Variants in KIAA1328 observed in about 807,000 individuals in gnomAD.
KIAA1328 encodes the protein protein hinderin.
Under a neutral mutation model 68.1 loss-of-function variants are expected in KIAA1328, and 52 were observed. The observed-to-expected ratio is 0.76, with a 90% CI of 0.61 to 0.96. KIAA1328 has a LOEUF of 0.96. Among genes scored for constraint, KIAA1328 ranks in the 40% least tolerant of loss-of-function variants. The probability of loss-of-function intolerance (pLI) is 0.00; values close to 1 mark genes in which losing one functional copy is unlikely to be tolerated. For synonymous variants in KIAA1328, 232 were observed against 239.4 expected (o/e 0.97, Z 0.28); for missense variants, 641 against 677.6 (o/e 0.95, Z 0.60).
intron 7 of KIAA1328, among the ~76,000 whole-genome samples, chr18:37,105,332 A>G (rs947300964): frequency 6.6e-6 from 1 of 152,022 alleles, no homozygotes; most frequent in Non-Finnish European, 1.5e-5. Context: ...GGAAGACCCT[A>G]TCTCTAAATT....
chr18:36,889,684 C>A (rs2048616597), intron 5 of KIAA1328, among the ~76,000 whole-genome samples: 1 of 152,116 alleles, frequency 6.6e-6, no homozygotes, highest in Non-Finnish European at 1.5e-5. Flanking sequence ...TTGATAGATT[C>A]TTTACATTAT....
chr18:37,100,835 G>A (rs552206564), intron 7 of KIAA1328, among the ~76,000 whole-genome samples: 5 of 152,128 alleles, frequency 3.3e-5, no homozygotes, highest in Admixed American at 1.3e-4. Context: ...CCAGAGGAAC[G>A]ATCAGGCAGC....
At chr18:36,876,401 G>A (rs1411236886) in intron 4 of KIAA1328, among the ~76,000 whole-genome samples, 1 of 152,056 alleles carries the variant, frequency 6.6e-6, no homozygotes, top group African/African-American at 2.4e-5. Flanking sequence ...ATTTAGTCTT[G>A]GGAAGGTGTA....
chr18:37,058,736 A>G (rs1257959530), intron 6 of KIAA1328, among the ~76,000 whole-genome samples: 2 of 152,030 alleles, frequency 1.3e-5, no homozygotes, highest in African/African-American at 4.8e-5. Flanking sequence ...AATAAAATAA[A>G]TAAATAAATA....
At chr18:36,946,869 A>G (rs922368876) in intron 5 of KIAA1328, among the ~76,000 whole-genome samples, 1 of 152,194 alleles carries the variant, frequency 6.6e-6, no homozygotes, top group Non-Finnish European at 1.5e-5. Flanking sequence ...CTCTGATGAA[A>G]TCTCTGAAGA....
intron 7 of KIAA1328, among the ~76,000 whole-genome samples, chr18:37,114,661 G>C (rs2151912890): frequency 6.6e-6 from 1 of 152,268 alleles, no homozygotes; most frequent in African/African-American, 2.4e-5. Context: ...ACTAAGATCA[G>C]AGCAGAACTG....
chr18:37,148,434 A>T (rs1376699799), intron 7 of KIAA1328, among the ~76,000 whole-genome samples: 1 of 152,176 alleles, frequency 6.6e-6, no homozygotes, highest in African/African-American at 2.4e-5. Flanking sequence ...GCCTCAGTGA[A>T]CATATGCATA....
downstream of KIAA1328, among the ~76,000 whole-genome samples, chr18:37,228,298 T>G (rs1406691511): frequency 6.6e-6 from 1 of 152,046 alleles, no homozygotes; most frequent in Non-Finnish European, 1.5e-5. Flanking sequence ...AGCGTCGGGG[T>G]TTGAAGGAAT....
chr18:37,130,282 A>G (rs1599372548), intron 7 of KIAA1328, among the ~76,000 whole-genome samples: 1 of 152,172 alleles, frequency 6.6e-6, no homozygotes, highest in East Asian at 1.9e-4. Flanking sequence ...TTAATCATAT[A>G]CATATATTAC....
At chr18:37,056,168 A>G (rs574017125) in intron 6 of KIAA1328, among the ~76,000 whole-genome samples, 2 of 152,320 alleles carry the variant, frequency 1.3e-5, no homozygotes, top group South Asian at 4.1e-4. Flanking sequence ...ATCCTGGCTT[A>G]TCATAAGAAT....
Position 37,224,353 on chromosome 18 carries a change from G to T in KIAA1328, c.*2126G>T. On this transcript the variant is annotated 3_prime_UTR_variant, in exon 10 of 10. Transcript: ENST00000280020. ...TTTTGGGGGTCACAGCCACAGAGTG[G>T]AGTTTTATTGCTTCTTTGCCTCTCC... The T allele has an allele frequency of 1.0e-6, 1 of 985,390 alleles. No individual in the cohort carries two copies. Among genetic ancestry groups the T allele is most frequent in the Non-Finnish European group, 1.2e-6 (1 of 829,950 alleles). 61.0% of individuals were successfully genotyped at this position (985,390 alleles called of 1,614,324 possible).
rs571745038 is a variant in KIAA1328 at position 36,962,637 on chromosome 18, A to G, written c.576+3202A>G. Among the ~76,000 whole-genome samples the G allele has an allele frequency of 9.2e-4, 140 of 152,354 alleles. 2 individuals are homozygous for G. Among genetic ancestry groups the G allele is most frequent in the African/African-American group, 3.3e-3 (138 of 41,584 alleles). ...ACAAACTGTCTCAGACAACAGTGCAATCAAATTAGAACTCAGGATTAAAAA... is the reference window on the plus strand; with the variant it reads ...ACAAACTGTCTCAGACAACAGTGCAGTCAAATTAGAACTCAGGATTAAAAA... On this transcript the variant is annotated intron_variant, in intron 6 of 9. Coordinates refer to ENST00000280020, the MANE Select transcript of KIAA1328 (RefSeq NM_020776.3).
intron 5 of KIAA1328, among the ~76,000 whole-genome samples, chr18:36,948,652 C>T (rs1037319704): frequency 8.9e-5 from 13 of 145,428 alleles, no homozygotes; most frequent in African/African-American, 2.6e-4. Context: ...TGGGTTCAAG[C>T]GATTCTCCTG....
chr18:36,882,422 T>C (rs2048354306), intron 4 of KIAA1328, among the ~76,000 whole-genome samples: 1 of 152,272 alleles, frequency 6.6e-6, no homozygotes, highest in East Asian at 1.9e-4. Context: ...AATCTTGAGG[T>C]TGCTTTATTG....
chr18:36,841,904 A>G (rs2046871281), intron 3 of KIAA1328, among the ~76,000 whole-genome samples: 1 of 151,556 alleles, frequency 6.6e-6, no homozygotes, highest in Admixed American at 6.6e-5. Context: ...TTTATTTCAT[A>G]TTATGTTTAT....
Position 37,059,314 on chromosome 18 carries a change from A to G in KIAA1328, c.577-7576A>G, listed in dbSNP as rs138712656. Reference sequence around the variant, plus strand: ...GCCATCTGACAAAGGGCCAATATCCAGAATCTACAAGGAACTTAAACAAAT... The same window carrying G: ...GCCATCTGACAAAGGGCCAATATCCGGAATCTACAAGGAACTTAAACAAAT... On this transcript the variant is annotated intron_variant, in intron 6 of 9. Transcript: ENST00000280020. Among the ~76,000 whole-genome samples, 3 of 152,326 alleles carry G rather than the reference A, an allele frequency of 2.0e-5. No homozygotes were observed. The East Asian group carries it at 5.8e-4, about 29-fold the overall frequency.
Position 37,141,056 on chromosome 18 carries a change from G to A in KIAA1328, c.1233-19144G>A, listed in dbSNP as rs77116175. ...TATATTTAAAAGTTCTTTGGTGAAA[G>A]TTTTTCTGCGTTTGTCTTCAACTTT... On this transcript the variant is annotated intron_variant, in intron 7 of 9. Coordinates refer to ENST00000280020, the MANE Select transcript of KIAA1328 (RefSeq NM_020776.3). Among the ~76,000 whole-genome samples the A allele has an allele frequency of 7.4e-3, 1,133 of 152,202 alleles. 14 individuals are homozygous for A. The highest frequency in any genetic ancestry group is 0.026 in the African/African-American group (1,087 of 41,562).
At position 36,894,474 on chromosome 18, in the gene KIAA1328, G is replaced by A. The variant is rs535148599; in HGVS notation, c.448+8802G>A. Among the ~76,000 whole-genome samples, 38 of 151,784 alleles carry A rather than the reference G, an allele frequency of 2.5e-4. 1 individual carries two copies. The South Asian group carries it at 7.1e-3, about 28-fold the overall frequency. On this transcript the variant is annotated intron_variant, in intron 5 of 9. Coordinates refer to ENST00000280020, the MANE Select transcript of KIAA1328 (RefSeq NM_020776.3). ...CCTGCCTCCATTGTTTCCAACTGTC[G>A]TTTGAAAGAGTTCATTCCATTACAG...
intron 7 of KIAA1328, among the ~76,000 whole-genome samples, chr18:37,079,758 G>T (rs1350018115): frequency 6.6e-6 from 1 of 151,500 alleles, no homozygotes; most frequent in Non-Finnish European, 1.5e-5. Flanking sequence ...ATGGTGGTGG[G>T]CGCCTGTAAT....
Sources: allele counts gnomAD v4.1 joint callset (sites outside exome capture counted in the v4.1 genomes callset), GRCh38; gene constraint gnomAD v4.1.1; transcripts MANE v1.5; gene names NCBI Gene and HGNC (gene_info 2026-07-23, HGNC 2026-07-21).